The following CNOT6 variants were observed in gnomAD, a reference collection of about 807,000 sequenced individuals.
CNOT6 encodes the protein CCR4-NOT transcription complex subunit 6.
A neutral mutation model predicts 61.2 loss-of-function variants in CNOT6; 12 were observed. That is an observed-to-expected ratio of 0.20 (90% CI 0.13 to 0.32). The LOEUF is 0.32. Among genes scored for constraint, CNOT6 ranks in the 10% least tolerant of loss-of-function variants. The pLI is 1.00. For missense variants in CNOT6, 405 were observed against 663.9 expected (o/e 0.61, Z 4.28); for synonymous variants, 225 against 240.6 (o/e 0.94, Z 0.60).
intron 9 of CNOT6, 149 bp from the exon 10 acceptor site, chr5:180,568,961 G>T: frequency 1.6e-6 from 1 of 621,244 alleles, no homozygotes; most frequent in Non-Finnish European, 2.8e-6. Flanking sequence ...CGGGTTTGTT[G>T]TAGGGCACAT....
intron 4 of CNOT6, among the ~76,000 whole-genome samples, chr5:180,560,520 G>A (rs1261531689): frequency 3.3e-5 from 5 of 152,048 alleles, no homozygotes; most frequent in East Asian, 1.9e-4. Context: ...CAGTTCTTTC[G>A]ACACCTGAAA....
In CNOT6 at chr5:180,576,725, T is replaced by C. The variant is rs1761013222; in HGVS notation, c.*2525T>C. ...ACCAAAATAGACTATGATGCTTTTGTTAAGAAAGGTTTCATGTTTTAGATA... is the reference window on the plus strand; with the variant it reads ...ACCAAAATAGACTATGATGCTTTTGCTAAGAAAGGTTTCATGTTTTAGATA... On this transcript the variant is annotated 3_prime_UTR_variant, in exon 12 of 12. Transcript: ENST00000261951. The C allele has an allele frequency of 6.6e-6, 1 of 152,190 alleles. No homozygotes were observed. The highest frequency in any genetic ancestry group is 1.5e-5 in the Non-Finnish European group (1 of 68,026). The allele number at this position is 152,190 out of a possible 1,614,324, so 9.4% of individuals were successfully genotyped here. A position where few individuals can be genotyped will look rare whatever the true frequency, so the allele number is the denominator to read the frequency against.
chr5:180,501,644 C>T (rs1194587283), intron 1 of CNOT6, among the ~76,000 whole-genome samples: 1 of 152,196 alleles, frequency 6.6e-6, no homozygotes, highest in East Asian at 1.9e-4. Context: ...ATTATGGACT[C>T]TGCTGAAGGG....
At chr5:180,547,502 A>C (rs2127741043) in intron 2 of CNOT6, among the ~76,000 whole-genome samples, 1 of 152,208 alleles carries the variant, frequency 6.6e-6, no homozygotes, top group East Asian at 1.9e-4. Context: ...CCTGGGCAAC[A>C]GAGCGAGACT....
chr5:180,539,974 G>A (rs1236112607), intron 2 of CNOT6, among the ~76,000 whole-genome samples: 2 of 152,164 alleles, frequency 1.3e-5, no homozygotes, highest in Non-Finnish European at 1.5e-5. Context: ...TCCCTTTTCT[G>A]TAGTTTTCAG....
At chr5:180,554,963 C>T (rs904762947) in intron 4 of CNOT6, among the ~76,000 whole-genome samples, 1 of 150,642 alleles carries the variant, frequency 6.6e-6, no homozygotes, top group African/African-American at 2.4e-5. Context: ...CTCACTAAGG[C>T]TTTTCACAAA....
chr5:180,513,640 G>C (rs960688290), intron 1 of CNOT6, among the ~76,000 whole-genome samples: 21 of 151,768 alleles, frequency 1.4e-4, no homozygotes, highest in Non-Finnish European at 2.8e-4. Context: ...CCAAAGTGCT[G>C]GGATTACAGG....
intron 1 of CNOT6, among the ~76,000 whole-genome samples, chr5:180,502,975 A>C (rs1756948082): frequency 6.6e-6 from 1 of 152,238 alleles, no homozygotes; most frequent in Admixed American, 6.5e-5. Flanking sequence ...GACAATGATA[A>C]CTATAGTTTA....
At chr5:180,550,850 A>G (rs1435048257) in intron 3 of CNOT6, among the ~76,000 whole-genome samples, 1 of 152,174 alleles carries the variant, frequency 6.6e-6, no homozygotes. Flanking sequence ...TGAAGGAGCT[A>G]TAATTATTAA....
intron 2 of CNOT6, among the ~76,000 whole-genome samples, chr5:180,533,312 C>CTATATATATATATATATATATCTATA (rs1758487573): frequency 7.8e-6 from 1 of 127,630 alleles, no homozygotes; most frequent in Non-Finnish European, 1.6e-5. Context: ...GGATGAAAAC[C>CTATATATATATATATATATATCTATA]TATATATATA....
chr5:180,515,153 C>G (rs1478417466), intron 1 of CNOT6, among the ~76,000 whole-genome samples: 2 of 151,978 alleles, frequency 1.3e-5, no homozygotes, highest in Non-Finnish European at 2.9e-5. Flanking sequence ...TGCAGTGGCT[C>G]ACGTCTGTAA....
chr5:180,511,498 C>T (rs1413127877), intron 1 of CNOT6, among the ~76,000 whole-genome samples: 1 of 152,030 alleles, frequency 6.6e-6, no homozygotes, highest in Admixed American at 6.5e-5. Flanking sequence ...GTAGTTCCAG[C>T]TACTCGGGAG....
intron 10 of CNOT6, among the ~76,000 whole-genome samples, chr5:180,569,880 C>T (rs1348480633): frequency 1.3e-5 from 2 of 152,312 alleles, no homozygotes; most frequent in South Asian, 2.1e-4. Context: ...CTGGAGCGCT[C>T]TTTCCGTGGA....
At chr5:180,536,812 A>G (rs766696833) in intron 2 of CNOT6, among the ~76,000 whole-genome samples, 11 of 152,294 alleles carry the variant, frequency 7.2e-5, no homozygotes, top group Non-Finnish European at 1.0e-4. Flanking sequence ...TTGTAGAGAC[A>G]GGGGTCTTGT....
rs761059269 is a variant in CNOT6 at position 180,568,020 on chromosome 5, TC to T, written c.1027+19del. 2.5e-6 allele frequency: 4 copies of T among 1,588,056 alleles called. No homozygotes were observed. In the South Asian group the frequency reaches 3.4e-5, roughly 14 times the overall value. On this transcript the variant is annotated intron_variant, in intron 9 of 11. Coordinates refer to ENST00000261951, the MANE Select transcript of CNOT6 (RefSeq NM_001370472.1). ...AAATGCCGTGTGAGTGCCCTTCACT[TC>T]CTGTAAAATTGACCAGCTCTGACTA...
intron 8 of CNOT6, 141 bp from the exon 9 acceptor site, chr5:180,567,708 T>G: frequency 9.3e-7 from 1 of 1,072,180 alleles, no homozygotes; most frequent in South Asian, 1.5e-5. Context: ...AGCTTGATGC[T>G]GAACGTGGAG....
intron 1 of CNOT6, among the ~76,000 whole-genome samples, chr5:180,511,746 A>AC: frequency 6.6e-6 from 1 of 152,142 alleles, no homozygotes; most frequent in Non-Finnish European, 1.5e-5. Context: ...AGCCTGGGCA[A>AC]CAGAGTGAGA....
intron 2 of CNOT6, among the ~76,000 whole-genome samples, chr5:180,547,627 T>G (rs936630476): frequency 6.6e-6 from 1 of 152,268 alleles, no homozygotes; most frequent in Non-Finnish European, 1.5e-5. Flanking sequence ...TGAAATGTTT[T>G]TCCCCTCTGG....
chr5:180,536,021 A>C (rs1758676440), intron 2 of CNOT6, among the ~76,000 whole-genome samples: 1 of 68,496 alleles, frequency 1.5e-5, no homozygotes, highest in Non-Finnish European at 2.6e-5. Context: ...TTTTTTTGAC[A>C]GTCTCACTCT....
Sources: gnomAD v4.1 joint callset for allele counts (sites outside exome capture counted in the v4.1 genomes callset) on GRCh38, gnomAD v4.1.1 for gene constraint, MANE v1.5 for transcripts, NCBI Gene and HGNC (gene_info 2026-07-23, HGNC 2026-07-21) for gene names.